Variants in SYT16 observed in about 807,000 individuals in gnomAD.
SYT16 encodes the protein synaptotagmin-16.
SYT16 carries 42 observed loss-of-function variants against 61.4 expected under a neutral mutation model. The observed-to-expected ratio is 0.68, with a 90% CI of 0.53 to 0.89. The LOEUF is 0.89. Among genes scored for constraint, SYT16 ranks in the 40% least tolerant of loss-of-function variants. The pLI is 0.00. For synonymous variants in SYT16, 314 were observed against 302.3 expected, an observed-to-expected ratio of 1.04 and a Z score of -0.40; for missense variants, 804 against 807.3, an observed-to-expected ratio of 1.00 and a Z score of 0.05.
chr14:62,063,261 C>G (rs1223176919), intron 3 of SYT16, among the ~76,000 whole-genome samples: 1 of 152,156 alleles, frequency 6.6e-6, no homozygotes, highest in African/African-American at 2.4e-5. Context: ...TGGGAGAGGG[C>G]ACATGCTTTC....
Position 62,081,116 on chromosome 14 carries a change from A to G in SYT16, c.1276A>G (p.Arg426Gly), listed in dbSNP as rs1333594208. 6.2e-7 allele frequency: 1 copy of G among 1,613,816 alleles called. No individual in the cohort carries two copies. Among genetic ancestry groups the G allele is most frequent in the African/African-American group, 1.3e-5 (1 of 74,914 alleles). The change falls in exon 6 of 8, where the codon AGA becomes GGA. Residue 426 changes from arginine (R) to glycine (G), a missense_variant. By Grantham distance (125) the Arg-to-Gly change is moderately radical. Transcript: ENST00000683842. ...GGTCACCTTTGCCAAGCTGGAGCCC[A>G]GAGATGTGGCTGCCTGTGCTGTCCG... The part of the protein sequence containing the change: ...EKVTFAKLEP[R>G]DVAACAVRFR...
At chr14:62,018,549 C>T (rs113802696) in intron 3 of SYT16, among the ~76,000 whole-genome samples, 11,093 of 151,958 alleles carry the variant, frequency 0.073, 428 homozygotes, top group South Asian at 0.098. Context: ...TCAGGTGATC[C>T]GCCCACCCTG....
At chr14:62,053,508 T>A (rs575342485) in intron 3 of SYT16, among the ~76,000 whole-genome samples, 35 of 152,364 alleles carry the variant, frequency 2.3e-4, no homozygotes, top group African/African-American at 8.4e-4. Flanking sequence ...TCATCTCTTA[T>A]AACAAATCTT....
intron 1 of SYT16, among the ~76,000 whole-genome samples, chr14:61,959,642 C>G (rs2051035542): frequency 6.6e-6 from 1 of 152,100 alleles, no homozygotes; most frequent in Non-Finnish European, 1.5e-5. Flanking sequence ...AATTTACATT[C>G]TTGTGTTAAA....
chr14:61,922,556 A>G (rs2049372286), intron 1 of SYT16, among the ~76,000 whole-genome samples: 1 of 152,178 alleles, frequency 6.6e-6, no homozygotes, highest in Non-Finnish European at 1.5e-5. Context: ...GAGGAGGGAA[A>G]AGATCAGGAA....
intron 1 of SYT16, among the ~76,000 whole-genome samples, chr14:61,903,225 C>T (rs910589906): frequency 6.6e-6 from 1 of 151,988 alleles, no homozygotes; most frequent in Admixed American, 6.6e-5. Flanking sequence ...CAAATAAGGC[C>T]ACATTTTGAG....
chr14:62,022,635 C>G lies in SYT16; in HGVS notation c.523+26093C>G, dbSNP rs111465412. 2.6e-3 allele frequency among the ~76,000 whole-genome samples: 391 copies of G among 151,886 alleles called. 3 individuals are homozygous for G. Among genetic ancestry groups the G allele is most frequent in the African/African-American group, 7.9e-3 (328 of 41,274 alleles). On this transcript the variant is annotated intron_variant, in intron 3 of 7. Coordinates refer to ENST00000683842, the MANE Select transcript of SYT16 (RefSeq NM_001367656.1). Reference sequence around the variant, plus strand: ...TTTGTATTACACACACACACACACACACAGACATATGTATATATGTCATAC... The same window carrying G: ...TTTGTATTACACACACACACACACAGACAGACATATGTATATATGTCATAC...
chr14:61,823,828 G>A (rs1237524557), intron 1 of SYT16, among the ~76,000 whole-genome samples: 7 of 152,138 alleles, frequency 4.6e-5, no homozygotes, highest in Non-Finnish European at 1.0e-4. Flanking sequence ...ATACTGTTCC[G>A]TGCGACAATA....
At chr14:62,088,624 TA>T (rs2056966302) in intron 7 of SYT16, among the ~76,000 whole-genome samples, 1 of 152,282 alleles carries the variant, frequency 6.6e-6, no homozygotes, top group East Asian at 1.9e-4. Context: ...AATTTTACCT[TA>T]AAAAAGTACT....
chr14:62,075,208 C>T lies in SYT16; in HGVS notation c.810C>T (p.His270=). 2 of 1,613,544 alleles carry T rather than the reference C, an allele frequency of 1.2e-6. No homozygotes were observed. The highest frequency in any genetic ancestry group is 1.7e-6 in the Non-Finnish European group (2 of 1,179,678). Residue 270 remains histidine, a synonymous_variant, in exon 5 of 8, where the codon CAC becomes CAT. Transcript: ENST00000683842. ...GTGAAGATGACCACATCCCTGCTCA[C>T]TCACAGTCCCCATGTGAAAGAGGGG... ...SYGEDDHIPA[H]SQSPCERGDA...
chr14:61,905,909 C>T (rs958112126), intron 1 of SYT16, among the ~76,000 whole-genome samples: 4 of 152,118 alleles, frequency 2.6e-5, no homozygotes, highest in African/African-American at 9.7e-5. Context: ...AGGCATGTGC[C>T]ACCACGCCCA....
intron 3 of SYT16, among the ~76,000 whole-genome samples, chr14:62,049,986 T>C (rs2055194413): frequency 6.6e-6 from 1 of 152,188 alleles, no homozygotes; most frequent in Non-Finnish European, 1.5e-5. Context: ...CTTTGTGGCA[T>C]TCTCTGTATT....
chr14:61,901,629 T>C (rs953497941), intron 1 of SYT16, among the ~76,000 whole-genome samples: 14 of 152,040 alleles, frequency 9.2e-5, no homozygotes, highest in African/African-American at 3.4e-4. Flanking sequence ...TGAGCCTGCT[T>C]GATCTGTTTG....
At chr14:61,963,900 C>T (rs944924794) in intron 1 of SYT16, among the ~76,000 whole-genome samples, 12 of 152,164 alleles carry the variant, frequency 7.9e-5, no homozygotes, top group African/African-American at 2.9e-4. Context: ...TCAGTCTTGT[C>T]TGCCTGTGCT....
Position 62,111,644 on chromosome 14 carries a change from G to C in SYT16, c.*10937G>C, listed in dbSNP as rs1446499549. 6.6e-6 allele frequency: 1 copy of C among 152,032 alleles called. No homozygotes were observed. The allele number at this position is 152,032 out of a possible 1,614,324, so 9.4% of individuals were successfully genotyped here. A position where few individuals can be genotyped will look rare whatever the true frequency, so the allele number is the denominator to read the frequency against. ...TGATTGTTCAAGGCCAGTTTTGTTAGTTGTAAGGTGGAAGCCACCCCAATC... is the reference window on the plus strand; with the variant it reads ...TGATTGTTCAAGGCCAGTTTTGTTACTTGTAAGGTGGAAGCCACCCCAATC... On this transcript the variant is annotated 3_prime_UTR_variant, in exon 8 of 8. Transcript: ENST00000683842.
chr14:61,960,391 T>C (rs1194571211), intron 1 of SYT16, among the ~76,000 whole-genome samples: 1 of 152,224 alleles, frequency 6.6e-6, no homozygotes, highest in Non-Finnish European at 1.5e-5. Flanking sequence ...CAGTGTTTTG[T>C]AGTTCTCATA....
intron 2 of SYT16, among the ~76,000 whole-genome samples, chr14:61,981,174 C>T (rs1953542): frequency 0.55 from 83,461 of 151,960 alleles, 23,717 homozygotes; most frequent in East Asian, 0.76. Context: ...CTTCAGTGAA[C>T]TGGATGAGGC....
intron 3 of SYT16, among the ~76,000 whole-genome samples, chr14:62,064,708 A>C (rs2055982917): frequency 6.6e-6 from 1 of 152,122 alleles, no homozygotes; most frequent in Non-Finnish European, 1.5e-5. Context: ...ACTGCTTATA[A>C]ACTGTTATGA....
intron 3 of SYT16, among the ~76,000 whole-genome samples, chr14:62,052,594 A>G (rs2055359034): frequency 6.6e-6 from 1 of 152,188 alleles, no homozygotes; most frequent in South Asian, 2.1e-4. Flanking sequence ...GTGGGGTGTT[A>G]TGCACTAAAT....
Sources: allele counts gnomAD v4.1 joint callset (sites outside exome capture counted in the v4.1 genomes callset), GRCh38; gene constraint gnomAD v4.1.1; transcripts MANE v1.5; gene names NCBI Gene and HGNC (gene_info 2026-07-23, HGNC 2026-07-21).